APOL3: variants seen among roughly 807,000 people sequenced by gnomAD.
The protein encoded by APOL3 is apolipoprotein L3.
In APOL3, 14 loss-of-function variants were observed where a neutral mutation model predicts 11.6. The observed-to-expected ratio is 1.21, with a 90% CI of 0.80 to 1.89. APOL3 has a LOEUF of 1.89. Among genes scored for constraint, APOL3 ranks in the 40% most tolerant of loss-of-function variants. The probability of loss-of-function intolerance (pLI) is 0.00; values close to 1 mark genes in which losing one functional copy is unlikely to be tolerated. For synonymous variants in APOL3, 192 were observed against 190.6 expected (o/e 1.01, Z -0.06); for missense variants, 483 against 492.1 (o/e 0.98, Z 0.17).
intron 1 of APOL3, chr22:36,159,716 G>T (rs1348038478): frequency 1.3e-5 from 2 of 152,226 alleles, no homozygotes; most frequent in East Asian, 3.8e-4. Flanking sequence ...GGGACATGGA[G>T]TCCTGTGATC....
At chr22:36,159,556 T>A (rs1021688628) in intron 1 of APOL3, 5 of 152,252 alleles carry the variant, frequency 3.3e-5, no homozygotes, top group Admixed American at 3.3e-4. Context: ...TTTAATCTCA[T>A]GATTGTCAAG....
At chr22:36,148,706 C>A (rs1313177467) in intron 1 of APOL3, among the ~76,000 whole-genome samples, 1 of 152,164 alleles carries the variant, frequency 6.6e-6, no homozygotes, top group Non-Finnish European at 1.5e-5. Context: ...CCTCTCTCAG[C>A]CCTCCGCACC....
At chr22:36,162,877 A>G (rs1003901756), upstream of APOL3, among the ~76,000 whole-genome samples, 3 of 152,204 alleles carry the variant, frequency 2.0e-5, no homozygotes, top group African/African-American at 7.2e-5. Flanking sequence ...AGCTTGGGGA[A>G]CTGAAACATA....
intron 1 of APOL3, among the ~76,000 whole-genome samples, chr22:36,156,488 C>A (rs2012859374): frequency 1.3e-5 from 2 of 152,154 alleles, no homozygotes; most frequent in South Asian, 4.1e-4. Context: ...CTGCTCCCTG[C>A]CCACACAGTC....
At position 36,158,006 on chromosome 22, in the gene APOL3, C is replaced by T. The variant is rs190116375; in HGVS notation, c.223+2663G>A. On this transcript the variant is annotated intron_variant, in intron 1 of 2. Transcript: ENST00000349314. The stretch of plus-strand genomic sequence containing the variant: ...TGGAGGTTGCAGTGAGCTGAGATTG[C>T]GCCACTGCACTTCAGCCTGGGCAAC... 5.9e-5 allele frequency among the ~76,000 whole-genome samples: 9 copies of T among 152,082 alleles called. No individual in the cohort carries two copies. In the East Asian group the frequency reaches 9.7e-4, roughly 16 times the overall value.
exon 3 of APOL3, chr22:36,141,863 T>C (rs763840719): frequency 2.5e-6 from 4 of 1,614,248 alleles, no homozygotes; most frequent in South Asian, 2.2e-5. Flanking sequence ...TGGTGCAGCC[T>C]CTGTGGACCT....
intron 2 of APOL3, among the ~76,000 whole-genome samples, chr22:36,144,874 G>A (rs1403549134): frequency 6.6e-6 from 1 of 151,744 alleles, no homozygotes; most frequent in East Asian, 1.9e-4. Context: ...AGCCGGATGC[G>A]GTGGCCGGAG....
intron 2 of APOL3, among the ~76,000 whole-genome samples, chr22:36,144,075 G>A (rs1354843873): frequency 1.3e-5 from 2 of 152,022 alleles, no homozygotes; most frequent in African/African-American, 2.4e-5. Flanking sequence ...AGTTCAGAAT[G>A]CCCCAGTTCC....
rs2060023652 is a variant in APOL3, at chr22:36,142,207, T to TTTTA, written c.351-150_351-149insTAAA. On this transcript the variant is annotated intron_variant, in intron 2 of 2. Transcript: ENST00000349314. ...AAATTTTAAATGGAAAAATTTAAAA[T>TTTTA]AATTTTTCCAAGGTTAAACATGTTT... 10 of 967,874 alleles carry TTTTA rather than the reference T, an allele frequency of 1.0e-5. No homozygotes were observed. The South Asian group carries it at 1.6e-4, about 15-fold the overall frequency. 60.0% of individuals were successfully genotyped at this position (967,874 alleles called of 1,614,324 possible).
Position 36,160,771 on chromosome 22 carries a change from C to A in APOL3, c.121G>T (p.Glu41Ter). The A allele has an allele frequency of 6.2e-7, 1 of 1,614,174 alleles. No individual in the cohort carries two copies. Among genetic ancestry groups the A allele is most frequent in the Non-Finnish European group, 8.5e-7 (1 of 1,180,020 alleles). ...TCTGCATAATAACCAGACACGTTCT[C>A]CAGGCTCTGAGATATACCCTGGAAC... Residue 41 changes from glutamate to a stop codon, truncating the protein, a stop_gained, in exon 1 of 3, where the codon GAG (glutamate) becomes TAG (stop). Transcript: ENST00000349314. LOFTEE classifies it high-confidence loss of function.
exon 3 of APOL3, chr22:36,141,169 C>T (rs771647300): frequency 5.6e-6 from 9 of 1,595,794 alleles, no homozygotes; most frequent in Admixed American, 3.4e-5. Flanking sequence ...GTGTATGGCT[C>T]ACCTCCCCTG....
chr22:36,149,046 C>A (rs867927500), intron 1 of APOL3: 2 of 1,368,524 alleles, frequency 1.5e-6, no homozygotes, highest in Middle Eastern at 4.2e-4. Flanking sequence ...GCAAGCCTAC[C>A]TGAGTCCATG....
chr22:36,154,454 G>T (rs370408195), intron 1 of APOL3: 7 of 375,950 alleles, frequency 1.9e-5, no homozygotes, highest in Admixed American at 1.8e-4. Context: ...AAGACTTATC[G>T]TAACAGAGAA....
chr22:36,158,926 G>A (rs115390136), intron 1 of APOL3, among the ~76,000 whole-genome samples: 1,731 of 152,154 alleles, frequency 0.011, 28 homozygotes, highest in African/African-American at 0.04. Context: ...AGAAACACAG[G>A]GCTCCATGAA....
At chr22:36,140,902 T>A in exon 3 of APOL3, 1 of 345,414 alleles carries the variant, frequency 2.9e-6, no homozygotes, top group Non-Finnish European at 5.2e-6. Flanking sequence ...ACACCTCCCC[T>A]CTATTCCTCC....
chr22:36,141,357 A>C, exon 3 of APOL3: 1 of 1,614,186 alleles, frequency 6.2e-7, no homozygotes, highest in Non-Finnish European at 8.5e-7. Flanking sequence ...GACCACATCC[A>C]GTGCAAGGAA....
rs369944893 is a variant in APOL3, at chr22:36,160,597, T to C, written c.223+72A>G. On this transcript the variant is annotated intron_variant, in intron 1 of 2. Coordinates refer to ENST00000349314, the Ensembl canonical transcript of APOL3. ...CCTCTCTGAGCTCATCTACAAAAGG[T>C]GAATGACCCTTCTCTTATAGAGCTG... 14 of 1,507,352 alleles carry C rather than the reference T, an allele frequency of 9.3e-6. 1 individual carries two copies. In the African/African-American group the frequency reaches 1.9e-4, roughly 21 times the overall value. 93.4% of individuals were successfully genotyped at this position (1,507,352 alleles called of 1,614,324 possible).
exon 3 of APOL3, chr22:36,140,445 C>T (rs1420555521): frequency 6.6e-6 from 1 of 152,214 alleles, no homozygotes; most frequent in Non-Finnish European, 1.5e-5. Flanking sequence ...TGTCTCTTTG[C>T]CTGCTGTATA....
intron 1 of APOL3, among the ~76,000 whole-genome samples, chr22:36,148,735 C>T (rs890090053): frequency 1.3e-5 from 2 of 152,182 alleles, no homozygotes; most frequent in African/African-American, 4.8e-5. Context: ...CCTGCTCTCC[C>T]CCTACTCCCC....
Sources: gnomAD v4.1 joint callset for allele counts (sites outside exome capture counted in the v4.1 genomes callset) on GRCh38, gnomAD v4.1.1 for gene constraint, MANE v1.5 for transcripts, NCBI Gene and HGNC (gene_info 2026-07-23, HGNC 2026-07-21) for gene names.